C16orf89: variants seen among roughly 807,000 people sequenced by gnomAD.
C16orf89 encodes chromosome 16 open reading frame 89, also known as UPF0764 protein C16orf89.
C16orf89 carries 57 observed loss-of-function variants against 41.5 expected under a neutral mutation model. The observed-to-expected ratio is 1.38, with a 90% CI of 1.11 to 1.71. C16orf89 has a LOEUF of 1.71. Among genes scored for constraint, C16orf89 ranks in the 40% most tolerant of loss-of-function variants. The pLI is 0.00. For synonymous variants in C16orf89, 223 were observed against 190.6 expected, an observed-to-expected ratio of 1.17 and a Z score of -1.40; for missense variants, 575 against 445.9, an observed-to-expected ratio of 1.29 and a Z score of -2.61.
chr16:5,044,525 C>T, intron 7 of C16orf89, 47 bp from the exon 8 acceptor site: 1 of 1,608,704 alleles, frequency 6.2e-7, no homozygotes, highest in Non-Finnish European at 8.5e-7. Flanking sequence ...GAACCTTGGC[C>T]CTTTATTCAA....
At chr16:5,060,203 C>A (rs1956586903) in intron 3 of C16orf89, 83 bp downstream of exon 3, 3 of 1,468,878 alleles carry the variant, frequency 2.0e-6, no homozygotes, top group African/African-American at 2.8e-5. Context: ...AGCCCTAGGG[C>A]TTGGAGAAGG....
At chr16:5,048,775 A>G (rs1214613623) in intron 6 of C16orf89, among the ~76,000 whole-genome samples, 3 of 152,224 alleles carry the variant, frequency 2.0e-5, no homozygotes, top group African/African-American at 7.2e-5. Context: ...AACAGCAGTG[A>G]TAACAATAAG....
intron 5 of C16orf89, 90 bp downstream of exon 5, chr16:5,055,963 G>C: frequency 1.3e-6 from 1 of 769,968 alleles, no homozygotes; most frequent in Non-Finnish European, 2.1e-6. Context: ...GTGTGTGTGT[G>C]TGTGTGTGTG....
Position 5,065,939 on chromosome 16 carries a change from C to T in C16orf89, c.-31G>A. The T allele has an allele frequency of 6.2e-7, 1 of 1,606,906 alleles. No individual in the cohort carries two copies. Among genetic ancestry groups the T allele is most frequent in the Non-Finnish European group, 8.5e-7 (1 of 1,177,662 alleles). On this transcript the variant is annotated 5_prime_UTR_variant, in exon 1 of 8. Transcript: ENST00000472572. ...GCCTCTGCTCACTGCTGGTCACACG[C>T]TCAGCACCCTGAGCTCTGGCCAAGC...
Position 5,060,296 on chromosome 16 carries a change from G to A in C16orf89, c.499C>T (p.Leu167=), listed in dbSNP as rs747102893. The A allele has an allele frequency of 1.2e-6, 2 of 1,609,376 alleles. No homozygotes were observed. The highest frequency in any genetic ancestry group is 2.3e-5 in the East Asian group (1 of 44,410). The change falls in exon 3 of 8, where the codon CTG becomes TTG. Residue 167 remains leucine, a synonymous_variant. Coordinates refer to ENST00000472572, the MANE Select transcript of C16orf89 (RefSeq NM_001098514.3). ...ERSDVCLVQL[L]GTGTDSSEPC... ...AAGTGCAGGGCCCACCCGGTTCCCA[G>A]CAGCTGCACCAGGCACACGTCACTT...
At chr16:5,062,850 G>A (rs1156388841) in intron 1 of C16orf89, among the ~76,000 whole-genome samples, 1 of 152,154 alleles carries the variant, frequency 6.6e-6, no homozygotes, top group African/African-American at 2.4e-5. Flanking sequence ...GATACTTGAG[G>A]TTCAAATCCT....
chr16:5,046,305 C>G (rs140480300), intron 7 of C16orf89, among the ~76,000 whole-genome samples: 1 of 151,938 alleles, frequency 6.6e-6, no homozygotes, highest in South Asian at 2.1e-4. Context: ...CATATCCCTT[C>G]CTGTTTTTGC....
At chr16:5,060,133 G>T (rs900473882) in intron 3 of C16orf89, 153 bp downstream of exon 3, 1 of 905,070 alleles carries the variant, frequency 1.1e-6, no homozygotes, top group South Asian at 2.4e-5. Context: ...TGGAGTAGGA[G>T]AGGGCAGTAC....
At chr16:5,055,425 G>T (rs1381861739) in intron 5 of C16orf89, 75 bp from the exon 6 acceptor site, 1 of 1,334,568 alleles carries the variant, frequency 7.5e-7, no homozygotes, top group Admixed American at 2.0e-5. Flanking sequence ...GGGCTGCCAC[G>T]GTGCCACCTG....
At chr16:5,055,405 C>T in intron 5 of C16orf89, 55 bp from the exon 6 acceptor site, 14 of 1,458,632 alleles carry the variant, frequency 9.6e-6, no homozygotes, top group Non-Finnish European at 1.3e-5. Flanking sequence ...CCACCTCCTC[C>T]CACTCCCCAG....
chr16:5,057,567 A>G (rs1956537491), intron 4 of C16orf89, among the ~76,000 whole-genome samples: 1 of 151,238 alleles, frequency 6.6e-6, no homozygotes, highest in Non-Finnish European at 1.5e-5. Context: ...ATATATATAT[A>G]GTGGCATATA....
chr16:5,054,164 C>G (rs1224797161), intron 6 of C16orf89, among the ~76,000 whole-genome samples: 2 of 152,216 alleles, frequency 1.3e-5, no homozygotes, highest in African/African-American at 2.4e-5. Flanking sequence ...CTAATGAGGA[C>G]ACTAGCATTT....
chr16:5,061,273 A>AG (rs1221188872), intron 2 of C16orf89, among the ~76,000 whole-genome samples: 1 of 145,566 alleles, frequency 6.9e-6, no homozygotes, highest in Non-Finnish European at 1.5e-5. Context: ...AGAAAAAAAA[A>AG]AAAAAAAAAA....
chr16:5,065,516 CG>C (rs1330968859), intron 1 of C16orf89, among the ~76,000 whole-genome samples, 184 bp downstream of exon 1: 1 of 152,172 alleles, frequency 6.6e-6, no homozygotes, highest in South Asian at 2.1e-4. Context: ...TAAAAAATTG[CG>C]TAACAGTTAG....
intron 4 of C16orf89, 101 bp from the exon 5 acceptor site, chr16:5,056,289 GGGGCTGTGTTTA>G (rs1223416803): frequency 8.7e-5 from 106 of 1,217,834 alleles, no homozygotes; most frequent in Admixed American, 1.6e-4. Context: ...GGTCTTGCAA[GGGGCTGTGTTTA>G]GGGCTGTGTT....
intron 5 of C16orf89, 83 bp from the exon 6 acceptor site, chr16:5,055,433 C>A: frequency 8.0e-7 from 1 of 1,251,130 alleles, no homozygotes; most frequent in Non-Finnish European, 1.1e-6. Context: ...ACGGTGCCAC[C>A]TGCCTTCATC....
At chr16:5,060,233 C>A in intron 3 of C16orf89, 53 bp downstream of exon 3, 2 of 1,550,656 alleles carry the variant, frequency 1.3e-6, no homozygotes, top group Non-Finnish European at 1.8e-6. Flanking sequence ...ACAGGACCAG[C>A]TGAGAACTAG....
chr16:5,056,954 A>T (rs1956520874), intron 4 of C16orf89, among the ~76,000 whole-genome samples: 1 of 152,102 alleles, frequency 6.6e-6, no homozygotes, highest in Non-Finnish European at 1.5e-5. Flanking sequence ...GAAGAAATAT[A>T]TATGGCCAGG....
intron 4 of C16orf89, among the ~76,000 whole-genome samples, chr16:5,056,514 A>G (rs1219030901): frequency 6.6e-6 from 1 of 152,166 alleles, no homozygotes; most frequent in Non-Finnish European, 1.5e-5. Flanking sequence ...GGGATGACAC[A>G]GCTGGGAAGT....
Sources: gnomAD v4.1 joint callset for allele counts (sites outside exome capture counted in the v4.1 genomes callset) on GRCh38, gnomAD v4.1.1 for gene constraint, MANE v1.5 for transcripts, NCBI Gene and HGNC (gene_info 2026-07-23, HGNC 2026-07-21) for gene names.